Variants in CECR2 observed in about 807,000 individuals in gnomAD.
The protein encoded by CECR2 is chromatin remodeling regulator CECR2.
A neutral mutation model predicts 154.5 loss-of-function variants in CECR2; 30 were observed. That is an observed-to-expected ratio of 0.19 (90% CI 0.15 to 0.26). The LOEUF (loss-of-function observed/expected upper bound fraction) is 0.26. Among genes scored for constraint, CECR2 ranks in the 10% least tolerant of loss-of-function variants. The pLI is 1.00. For synonymous variants in CECR2, 725 were observed against 683.7 expected, an observed-to-expected ratio of 1.06 and a Z score of -0.94; for missense variants, 1,743 against 1,829.3, an observed-to-expected ratio of 0.95 and a Z score of 0.86.
At chr22:17,457,411 G>A (rs559267503) in intron 1 of CECR2, among the ~76,000 whole-genome samples, 1 of 152,264 alleles carries the variant, frequency 6.6e-6, no homozygotes, top group African/African-American at 2.4e-5. Context: ...CTATTTTCTT[G>A]TGTGTGATAT....
intron 9 of CECR2, among the ~76,000 whole-genome samples, chr22:17,527,509 G>A (rs985608166): frequency 6.6e-6 from 1 of 152,108 alleles, no homozygotes; most frequent in African/African-American, 2.4e-5. Flanking sequence ...GCTCATGCTT[G>A]TAATCCCAGC....
intron 2 of CECR2, among the ~76,000 whole-genome samples, chr22:17,485,421 AAAT>A (rs1174847441): frequency 6.6e-6 from 1 of 152,204 alleles, no homozygotes; most frequent in African/African-American, 2.4e-5. Flanking sequence ...CCCCATCTAA[AAAT>A]AATGTTTTGA....
chr22:17,421,665 C>T (rs1172756232), intron 1 of CECR2, among the ~76,000 whole-genome samples: 1 of 136,468 alleles, frequency 7.3e-6, no homozygotes, highest in African/African-American at 2.8e-5. Context: ...TGGTGGCAGG[C>T]GCCTGTTATC....
intron 7 of CECR2, among the ~76,000 whole-genome samples, chr22:17,510,335 T>C (rs1446053720): frequency 1.3e-5 from 2 of 152,170 alleles, no homozygotes; most frequent in African/African-American, 2.4e-5. Context: ...TCTTGAGGCT[T>C]ATAAAATAAT....
chr22:17,493,777 C>G (rs75279949), intron 2 of CECR2, among the ~76,000 whole-genome samples: 2 of 152,228 alleles, frequency 1.3e-5, no homozygotes, highest in Non-Finnish European at 1.5e-5. Flanking sequence ...CGGATGCACA[C>G]GCAGTGTTTG....
At chr22:17,362,918 A>G (rs2062984256) in intron 1 of CECR2, among the ~76,000 whole-genome samples, 1 of 151,742 alleles carries the variant, frequency 6.6e-6, no homozygotes, top group African/African-American at 2.4e-5. Context: ...AAAAAAAAAA[A>G]AAAAGAATAC....
chr22:17,418,797 G>A, intron 1 of CECR2: 1 of 237,826 alleles, frequency 4.2e-6, no homozygotes, highest in Admixed American at 5.1e-5. Flanking sequence ...CAGCAGCTCT[G>A]TGTTCTTCCA....
chr22:17,463,413 G>A (rs1029135475), intron 1 of CECR2, among the ~76,000 whole-genome samples: 1 of 152,150 alleles, frequency 6.6e-6, no homozygotes, highest in African/African-American at 2.4e-5. Context: ...CAGGGAGTTT[G>A]GTGAGGAAGC....
chr22:17,453,539 G>A (rs963391969), intron 1 of CECR2, among the ~76,000 whole-genome samples: 1 of 152,188 alleles, frequency 6.6e-6, no homozygotes, highest in African/African-American at 2.4e-5. Context: ...TACCATTTAT[G>A]AGGGTGTCGG....
chr22:17,540,028 C>G (rs1041358133), intron 13 of CECR2, among the ~76,000 whole-genome samples: 4 of 152,104 alleles, frequency 2.6e-5, no homozygotes, highest in African/African-American at 4.8e-5. Flanking sequence ...ACGGGTGTCT[C>G]ACTTTCTTGC....
At chr22:17,430,267 C>T (rs1322891451) in intron 1 of CECR2, among the ~76,000 whole-genome samples, 2 of 152,134 alleles carry the variant, frequency 1.3e-5, no homozygotes, top group African/African-American at 2.4e-5. Context: ...AACCTATACC[C>T]GCATTTGTTT....
At chr22:17,536,241 T>A (rs530530016) in intron 9 of CECR2, among the ~76,000 whole-genome samples, 24 of 152,062 alleles carry the variant, frequency 1.6e-4, no homozygotes, top group Middle Eastern at 3.4e-3. Flanking sequence ...AGAGCAAAAC[T>A]CCGTCTCAAA....
chr22:17,371,109 T>C lies in CECR2; in HGVS notation c.126+1200T>C, dbSNP rs1284319387. ...TTTTAACTCGTTTATTTCAGAGCTC[T>C]TTGCCTCACCTTTATTTTTAGATTT... On this transcript the variant is annotated intron_variant, in intron 1 of 18. Coordinates refer to ENST00000262608, the MANE Select transcript of CECR2 (RefSeq NM_001290047.2). 2.0e-5 allele frequency among the ~76,000 whole-genome samples: 3 copies of C among 152,188 alleles called. No individual in the cohort carries two copies. The East Asian group carries it at 5.8e-4, about 29-fold the overall frequency.
chr22:17,408,344 C>T (rs2054016914), intron 1 of CECR2, among the ~76,000 whole-genome samples: 1 of 152,114 alleles, frequency 6.6e-6, no homozygotes, highest in African/African-American at 2.4e-5. Context: ...CACATCCCAA[C>T]GTCTCCATTC....
In CECR2 at chr22:17,553,100, C is replaced by T. The variant is rs1018883324; in HGVS notation, c.*260C>T. ...TAGACAGTCAGGCAAAACTAATGAA[C>T]GTGGAGTTAATGATGACTTTTCCAA... On this transcript the variant is annotated 3_prime_UTR_variant, in exon 19 of 19. Coordinates refer to ENST00000262608, the MANE Select transcript of CECR2 (RefSeq NM_001290047.2). 1.3e-5 allele frequency: 8 copies of T among 639,572 alleles called. No individual in the cohort carries two copies. The South Asian group carries it at 4.3e-4, about 34-fold the overall frequency. The allele number at this position is 639,572 out of a possible 1,614,324, so 39.6% of individuals were successfully genotyped here.
chr22:17,467,863 C>T (rs986873785), intron 1 of CECR2, among the ~76,000 whole-genome samples: 2 of 152,194 alleles, frequency 1.3e-5, no homozygotes, highest in Admixed American at 6.5e-5. Context: ...TCTACACTAC[C>T]CCATGGGTCA....
At position 17,470,718 on chromosome 22, in the gene CECR2, C is replaced by T. The variant is rs527767171; in HGVS notation, c.127-6870C>T. Among the ~76,000 whole-genome samples, 6 of 152,226 alleles carry T rather than the reference C, an allele frequency of 3.9e-5. No homozygotes were observed. The East Asian group carries it at 5.8e-4, about 15-fold the overall frequency. ...TACTGACTGTGTGTCTGAAACTGTTCTTTCATAATTTCTTTCCATTTCCAC... is the reference window on the plus strand; with the variant it reads ...TACTGACTGTGTGTCTGAAACTGTTTTTTCATAATTTCTTTCCATTTCCAC... On this transcript the variant is annotated intron_variant, in intron 1 of 18. Transcript: ENST00000262608.
At chr22:17,396,699 T>C (rs1383115829) in intron 1 of CECR2, among the ~76,000 whole-genome samples, 1 of 152,224 alleles carries the variant, frequency 6.6e-6, no homozygotes, top group East Asian at 1.9e-4. Flanking sequence ...GTTGAGTGTT[T>C]AGAACATTCC....
chr22:17,503,210 A>C (rs2055771590), intron 6 of CECR2, 79 bp downstream of exon 6: 1 of 1,332,530 alleles, frequency 7.5e-7, no homozygotes, highest in South Asian at 1.3e-5. Flanking sequence ...CTTTTTCTAG[A>C]GTCATACAAA....
Sources: gnomAD v4.1 joint callset for allele counts (sites outside exome capture counted in the v4.1 genomes callset) on GRCh38, gnomAD v4.1.1 for gene constraint, MANE v1.5 for transcripts, NCBI Gene and HGNC (gene_info 2026-07-23, HGNC 2026-07-21) for gene names.